ACTR3C: variants seen among roughly 807,000 people sequenced by gnomAD.
The protein encoded by ACTR3C is actin related protein 3C.
In ACTR3C, 18 loss-of-function variants were observed where a neutral mutation model predicts 26.3. That is an observed-to-expected ratio of 0.68 (90% CI 0.47 to 1.01). The LOEUF (loss-of-function observed/expected upper bound fraction) is 1.01. Ranked by LOEUF, ACTR3C falls within the 50% of genes least tolerant of loss-of-function variation. The pLI is 0.00. For synonymous variants in ACTR3C, 55 were observed against 94.5 expected (o/e 0.58, Z 2.42); for missense variants, 184 against 250.7 (o/e 0.73, Z 1.80).
chr7:149,965,745 T>C, the ACTR3C span, among the ~76,000 whole-genome samples: 1 of 152,206 alleles, frequency 6.6e-6, no homozygotes, highest in African/African-American at 2.4e-5. Context: ...TAAAATAGCT[T>C]CTAAATCTTA....
the ACTR3C span, among the ~76,000 whole-genome samples, chr7:149,917,333 C>T: frequency 5.3e-5 from 8 of 152,172 alleles, no homozygotes; most frequent in Admixed American, 5.2e-4. Context: ...CCTCGGCCTC[C>T]CAAAGTGCTG....
the ACTR3C span, among the ~76,000 whole-genome samples, chr7:149,887,989 A>G: frequency 1.3e-5 from 2 of 151,750 alleles, no homozygotes; most frequent in Non-Finnish European, 2.9e-5. Flanking sequence ...TGTAAGACCA[A>G]TTAAATCTTT....
At chr7:150,055,228 A>C in the ACTR3C span, among the ~76,000 whole-genome samples, 2 of 152,240 alleles carry the variant, frequency 1.3e-5, no homozygotes, top group Non-Finnish European at 2.9e-5. Flanking sequence ...ACTGAAACAG[A>C]AACTCAGGGC....
chr7:150,315,037 T>C (rs984484094), intron 1 of ACTR3C, among the ~76,000 whole-genome samples: 26 of 147,354 alleles, frequency 1.8e-4, no homozygotes, highest in African/African-American at 6.4e-4. Flanking sequence ...ATAAATAATA[T>C]TAATAATTAC....
chr7:149,920,358 G>C, the ACTR3C span, among the ~76,000 whole-genome samples: 1 of 151,524 alleles, frequency 6.6e-6, no homozygotes, highest in Non-Finnish European at 1.5e-5. Context: ...CCAGGCTGGA[G>C]TGCAGTGGCG....
the ACTR3C span, among the ~76,000 whole-genome samples, chr7:150,159,907 C>T: frequency 6.6e-6 from 1 of 152,044 alleles, no homozygotes; most frequent in African/African-American, 2.4e-5. Flanking sequence ...CTGGTTCAAG[C>T]GATTCTCCTG....
chr7:150,315,494 GGAA>G (rs1160263081), intron 1 of ACTR3C, among the ~76,000 whole-genome samples: 1 of 152,108 alleles, frequency 6.6e-6, no homozygotes, highest in African/African-American at 2.4e-5. Context: ...TGCTCAGGAT[GGAA>G]GAAGTAAAAA....
the ACTR3C span, among the ~76,000 whole-genome samples, chr7:150,126,229 C>T: frequency 7.1e-4 from 108 of 152,276 alleles, 2 homozygotes; most frequent in Middle Eastern, 6.8e-3. Context: ...AAGATTCTCT[C>T]GCTTAAGTTA....
chr7:150,085,829 A>G, the ACTR3C span, among the ~76,000 whole-genome samples: 1 of 152,148 alleles, frequency 6.6e-6, no homozygotes, highest in Admixed American at 6.5e-5. Flanking sequence ...TAGAACCAGG[A>G]TTGCTGCCTC....
At chr7:149,980,139 T>A in the ACTR3C span, among the ~76,000 whole-genome samples, 2 of 152,126 alleles carry the variant, frequency 1.3e-5, no homozygotes, top group East Asian at 3.9e-4. Flanking sequence ...CAAAGAAGAA[T>A]TCAAGAAAGA....
the ACTR3C span, among the ~76,000 whole-genome samples, chr7:150,086,566 G>A: frequency 6.6e-6 from 1 of 152,034 alleles, no homozygotes; most frequent in South Asian, 2.1e-4. Context: ...TCAGTCAAAA[G>A]GACCCTATTG....
the ACTR3C span, among the ~76,000 whole-genome samples, chr7:150,230,629 A>G: frequency 6.6e-6 from 1 of 152,282 alleles, no homozygotes. Flanking sequence ...ATGCATGATG[A>G]TCTGAGGTGG....
At chr7:150,007,867 C>T in the ACTR3C span, among the ~76,000 whole-genome samples, 446 of 141,178 alleles carry the variant, frequency 3.2e-3, no homozygotes, top group African/African-American at 7.6e-3. Context: ...CTGGGGAGAA[C>T]GGAGGGGTGT....
intron 6 of ACTR3C, among the ~76,000 whole-genome samples, chr7:150,275,878 C>T (rs1448374600): frequency 2.0e-5 from 3 of 152,162 alleles, no homozygotes; most frequent in Admixed American, 1.3e-4. Context: ...CCTCTGACCA[C>T]CCTCCTCCCT....
At chr7:150,239,536 C>CTATATATATATATA (rs1306541257), downstream of ACTR3C, among the ~76,000 whole-genome samples, 1 of 112,964 alleles carries the variant, frequency 8.9e-6, no homozygotes, top group African/African-American at 4.1e-5. Flanking sequence ...CTCTCTCTCT[C>CTATATATATATATA]TCTCTATATA....
At chr7:150,312,682 G>A (rs1796430717) in intron 1 of ACTR3C, among the ~76,000 whole-genome samples, 1 of 152,130 alleles carries the variant, frequency 6.6e-6, no homozygotes, top group South Asian at 2.1e-4. Context: ...TTTCTTTAAG[G>A]TGTCCATGCA....
chr7:149,909,265 CAA>C, the ACTR3C span, among the ~76,000 whole-genome samples: 127,812 of 135,214 alleles, frequency 0.95, 60,484 homozygotes, highest in East Asian at 0.99. Flanking sequence ...TCATTTCCAC[CAA>C]AAAAAAAAAA....
the ACTR3C span, among the ~76,000 whole-genome samples, chr7:149,932,354 A>G: frequency 6.6e-6 from 1 of 152,170 alleles, no homozygotes; most frequent in Non-Finnish European, 1.5e-5. Flanking sequence ...CTGCTAATGG[A>G]TACGGGATTT....
the ACTR3C span, among the ~76,000 whole-genome samples, chr7:150,121,783 C>A: frequency 6.6e-6 from 1 of 151,898 alleles, no homozygotes; most frequent in Non-Finnish European, 1.5e-5. Context: ...CAAGACAATC[C>A]TAAGCAAAAA....
Sources: gnomAD v4.1 joint callset for allele counts (sites outside exome capture counted in the v4.1 genomes callset) on GRCh38, gnomAD v4.1.1 for gene constraint, MANE v1.5 for transcripts, NCBI Gene and HGNC (gene_info 2026-07-23, HGNC 2026-07-21) for gene names.